AUTS2: variants seen among roughly 807,000 people sequenced by gnomAD.
The protein encoded by AUTS2 is activator of transcription and developmental regulator AUTS2.
A neutral mutation model predicts 112.4 loss-of-function variants in AUTS2; 17 were observed. That is an observed-to-expected ratio of 0.15 (90% CI 0.10 to 0.23). AUTS2 has a LOEUF of 0.23. Ranked by LOEUF, AUTS2 falls within the 10% of genes least tolerant of loss-of-function variation. AUTS2 has a pLI of 1.00. For synonymous variants in AUTS2, 751 were observed against 702.7 expected, an observed-to-expected ratio of 1.07 and a Z score of -1.09; for missense variants, 1,510 against 1,701.6, an observed-to-expected ratio of 0.89 and a Z score of 1.98.
chr7:69,634,188 C>T (rs2851492), intron 1 of AUTS2, among the ~76,000 whole-genome samples: 92,492 of 150,496 alleles, frequency 0.61, 28,743 homozygotes, highest in East Asian at 0.7. Context: ...GGCGCAATCT[C>T]GGCTCACTGC....
At chr7:70,310,456 CA>C (rs1409776185) in intron 4 of AUTS2, among the ~76,000 whole-genome samples, 3 of 151,764 alleles carry the variant, frequency 2.0e-5, no homozygotes, top group Non-Finnish European at 4.4e-5. Context: ...TAAAAAAATA[CA>C]AAAAAATTAG....
chr7:69,899,743 ATGCTAAG>A (rs1299760651), intron 2 of AUTS2, among the ~76,000 whole-genome samples: 1 of 152,230 alleles, frequency 6.6e-6, no homozygotes, highest in Non-Finnish European at 1.5e-5. Flanking sequence ...ACAAAGCTTG[ATGCTAAG>A]TGGTACTGGT....
chr7:69,831,396 G>A (rs1232607003), intron 1 of AUTS2, among the ~76,000 whole-genome samples: 5 of 152,030 alleles, frequency 3.3e-5, no homozygotes, highest in Admixed American at 6.6e-5. Context: ...AGAATTAAAC[G>A]GAACCAAAGA....
At chr7:70,400,281 T>C (rs1033018426) in intron 4 of AUTS2, among the ~76,000 whole-genome samples, 2 of 152,156 alleles carry the variant, frequency 1.3e-5, no homozygotes, top group African/African-American at 2.4e-5. Context: ...GAATAAGTGA[T>C]AGAACATGTA....
intron 4 of AUTS2, among the ~76,000 whole-genome samples, chr7:70,178,266 A>T (rs559706128): frequency 1.6e-4 from 25 of 152,198 alleles, no homozygotes; most frequent in African/African-American, 5.5e-4. Flanking sequence ...TTTAAGAGAA[A>T]TATGAATGGC....
chr7:70,431,946 T>C lies in AUTS2; in HGVS notation c.661-3806T>C, dbSNP rs141215089. Among the ~76,000 whole-genome samples the C allele has an allele frequency of 5.2e-3, 797 of 152,356 alleles. 7 individuals carry two copies. Among genetic ancestry groups the C allele is most frequent in the Non-Finnish European group, 5.3e-3 (363 of 68,026 alleles). ...TGCACACGTCCTCTTTCTCTCCTTTTGTGTGTGATGGTTTGGGTCATGTCT... is the reference window on the plus strand; with the variant it reads ...TGCACACGTCCTCTTTCTCTCCTTTCGTGTGTGATGGTTTGGGTCATGTCT... On this transcript the variant is annotated intron_variant, in intron 4 of 18. Coordinates refer to ENST00000342771, the MANE Select transcript of AUTS2 (RefSeq NM_015570.4).
At chr7:70,248,267 C>G (rs1298574265) in intron 4 of AUTS2, among the ~76,000 whole-genome samples, 2 of 150,076 alleles carry the variant, frequency 1.3e-5, no homozygotes, top group Non-Finnish European at 3.0e-5. Flanking sequence ...CACTACCACG[C>G]CCAGCTAATT....
rs188447826 is a variant in AUTS2, at chr7:70,467,092, C to T, written c.690+31311C>T. On this transcript the variant is annotated intron_variant, in intron 5 of 18. Coordinates refer to ENST00000342771, the MANE Select transcript of AUTS2 (RefSeq NM_015570.4). ...TGTGGGAACTAAATGAGACATTATTCGCTTCATTTTACAAACAAGGAAATA... is the reference window on the plus strand; with the variant it reads ...TGTGGGAACTAAATGAGACATTATTTGCTTCATTTTACAAACAAGGAAATA... 2.0e-3 allele frequency among the ~76,000 whole-genome samples: 299 copies of T among 152,298 alleles called. 3 individuals are homozygous for T. Among genetic ancestry groups the T allele is most frequent in the Admixed American group, 0.01 (155 of 15,302 alleles).
chr7:69,942,690 G>A (rs973508797), intron 2 of AUTS2, among the ~76,000 whole-genome samples: 1 of 152,202 alleles, frequency 6.6e-6, no homozygotes, highest in Non-Finnish European at 1.5e-5. Context: ...CATTGTGGTA[G>A]CAAGTCATCT....
chr7:70,695,824 C>T (rs1170297778), intron 5 of AUTS2, among the ~76,000 whole-genome samples: 1 of 152,124 alleles, frequency 6.6e-6, no homozygotes, highest in Non-Finnish European at 1.5e-5. Flanking sequence ...AAAAAGCAGC[C>T]AAAAGAGAGC....
At chr7:70,498,453 G>A (rs960111035) in intron 5 of AUTS2, among the ~76,000 whole-genome samples, 2 of 152,132 alleles carry the variant, frequency 1.3e-5, no homozygotes, top group African/African-American at 4.8e-5. Context: ...TTGGGGTGGT[G>A]ACTATGTTTT....
chr7:69,717,791 C>A (rs1798697312), intron 1 of AUTS2, among the ~76,000 whole-genome samples: 1 of 152,110 alleles, frequency 6.6e-6, no homozygotes, highest in South Asian at 2.1e-4. Flanking sequence ...CATCCCTACA[C>A]CCCCAATATA....
chr7:70,639,055 AAAATCCATAACTCTTAC>A (rs1222948924), intron 5 of AUTS2, among the ~76,000 whole-genome samples: 1 of 152,178 alleles, frequency 6.6e-6, no homozygotes, highest in Non-Finnish European at 1.5e-5. Context: ...CCTGACTTTT[AAAATCCATAACTCTTAC>A]AAATGTAAAA....
chr7:70,642,694 A>G (rs1426926143), intron 5 of AUTS2, among the ~76,000 whole-genome samples: 1 of 152,182 alleles, frequency 6.6e-6, no homozygotes, highest in African/African-American at 2.4e-5. Context: ...GTCTCAGGTC[A>G]ACTTTTTGTG....
At chr7:70,495,685 CCACGT>C in intron 5 of AUTS2, among the ~76,000 whole-genome samples, 1 of 128,156 alleles carries the variant, frequency 7.8e-6, no homozygotes, top group Non-Finnish European at 1.7e-5. Context: ...CTCACACACA[CCACGT>C]ACACAGTCAC....
intron 5 of AUTS2, among the ~76,000 whole-genome samples, chr7:70,660,821 G>T (rs144278022): frequency 6.6e-6 from 1 of 152,184 alleles, no homozygotes; most frequent in Non-Finnish European, 1.5e-5. Flanking sequence ...GAAAGTGTTT[G>T]CTGTTAGCCT....
chr7:70,376,017 G>A (rs1473254165), intron 4 of AUTS2, among the ~76,000 whole-genome samples: 3 of 148,406 alleles, frequency 2.0e-5, no homozygotes, highest in Non-Finnish European at 3.0e-5. Context: ...GTTTTTTGTC[G>A]TTAAAAAAAA....
chr7:70,749,236 C>T (rs1424315826), intron 6 of AUTS2, among the ~76,000 whole-genome samples: 2 of 152,086 alleles, frequency 1.3e-5, no homozygotes, highest in Admixed American at 6.5e-5. Flanking sequence ...GAGAAGGATC[C>T]GCAGCCTTAT....
At chr7:70,209,667 A>G (rs1308699898) in intron 4 of AUTS2, among the ~76,000 whole-genome samples, 2 of 152,224 alleles carry the variant, frequency 1.3e-5, no homozygotes, top group Non-Finnish European at 2.9e-5. Flanking sequence ...AAGGTGTTTC[A>G]TAAACAAGGA....
Sources: allele counts gnomAD v4.1 joint callset (sites outside exome capture counted in the v4.1 genomes callset), GRCh38; gene constraint gnomAD v4.1.1; transcripts MANE v1.5; gene names NCBI Gene and HGNC (gene_info 2026-07-23, HGNC 2026-07-21).